Variants in MAK16 observed in about 807,000 individuals in gnomAD.
MAK16 encodes the protein protein MAK16 homolog.
In MAK16, 12 loss-of-function variants were observed where a neutral mutation model predicts 49.9. The ratio of observed to expected loss-of-function variants is 0.24; its 90% CI spans 0.15 to 0.39. The LOEUF is 0.39. Ranked by LOEUF, MAK16 falls within the 10% of genes least tolerant of loss-of-function variation. The probability of loss-of-function intolerance (pLI) is 1.00; values close to 1 mark genes in which losing one functional copy is unlikely to be tolerated. For missense variants in MAK16, 292 were observed against 363.7 expected (o/e 0.80, Z 1.60); for synonymous variants, 115 against 126.4 (o/e 0.91, Z 0.60).
In MAK16 at chr8:33,496,717, A is replaced by AGAT. The variant is rs376700753; in HGVS notation, c.633_635dup (p.Asp211dup). 0.029 allele frequency: 46,325 copies of AGAT among 1,610,272 alleles called. 907 individuals carry two copies. Among genetic ancestry groups the AGAT allele is most frequent in the African/African-American group, 0.11 (7,907 of 74,772 alleles). On this transcript the variant is annotated inframe_insertion, in exon 8 of 10. Transcript: ENST00000360128. ...GTGACTCTTCAGATACTGAGGAAAA[A>AGAT]GATGATGATGATGATGATGAGGAAG...
intron 1 of MAK16, among the ~76,000 whole-genome samples, chr8:33,487,046 C>T (rs1808699082): frequency 6.6e-6 from 1 of 152,116 alleles, no homozygotes; most frequent in Non-Finnish European, 1.5e-5. Flanking sequence ...TATTCTTTTG[C>T]CCTCTTCATA....
chr8:33,494,475 G>A (rs1281349641), intron 6 of MAK16, among the ~76,000 whole-genome samples: 2 of 152,212 alleles, frequency 1.3e-5, no homozygotes, highest in South Asian at 2.1e-4. Flanking sequence ...CTATGAATCC[G>A]CTTAACTAAG....
At position 33,497,237 on chromosome 8, in the gene MAK16, G is replaced by T; in HGVS notation, c.645G>T (p.Val215=). The T allele has an allele frequency of 6.2e-7, 1 of 1,609,386 alleles. No individual in the cohort carries two copies. The highest frequency in any genetic ancestry group is 8.5e-7 in the Non-Finnish European group (1 of 1,176,276). ...KDDDDDDEED[V]GKREFVEDGE... ...CAGTTATGTTTTATTTATAGGATGTGGGGAAAAGAGAATTTGTCGAAGATG... is the reference window on the plus strand; with the variant it reads ...CAGTTATGTTTTATTTATAGGATGTTGGGAAAAGAGAATTTGTCGAAGATG... Residue 215 remains valine (V), a synonymous_variant, in exon 9 of 10, where the codon GTG becomes GTT. Coordinates refer to ENST00000360128, the MANE Select transcript of MAK16 (RefSeq NM_032509.4).
Position 33,498,447 on chromosome 8 carries a change from G to C in MAK16, c.721G>C (p.Asp241His). Reference protein sequence around the residue: ...ISDFEDMDKLDASSDEDQDGK... With the variant: ...ISDFEDMDKLHASSDEDQDGK... ...CCCGTAATAGGATATGGATAAACTG[G>C]ATGCCAGCAGTGATGAAGATCAGGA... The change falls in exon 10 of 10, where the codon GAT becomes CAT. Residue 241 changes from aspartate to histidine, a missense_variant. Asp to His is a moderately conservative substitution (Grantham distance 81). Transcript: ENST00000360128. 6.2e-7 allele frequency: 1 copy of C among 1,613,976 alleles called. No homozygotes were observed.
chr8:33,493,598 T>C (rs990200100), intron 6 of MAK16, among the ~76,000 whole-genome samples: 15 of 152,196 alleles, frequency 9.9e-5, no homozygotes, highest in African/African-American at 3.6e-4. Context: ...TGTTGATAGG[T>C]GGTCTCAAGT....
At position 33,498,847 on chromosome 8, in the gene MAK16, T is replaced by C; in HGVS notation, c.*218T>C. 5 of 596,540 alleles carry C rather than the reference T, an allele frequency of 8.4e-6. No individual in the cohort carries two copies. Among genetic ancestry groups the C allele is most frequent in the Non-Finnish European group, 1.5e-5 (5 of 340,148 alleles). The allele number at this position is 596,540 out of a possible 1,614,324, so 37.0% of individuals were successfully genotyped here. A position where few individuals can be genotyped will look rare whatever the true frequency, so the allele number is the denominator to read the frequency against. On this transcript the variant is annotated 3_prime_UTR_variant, in exon 10 of 10. Coordinates refer to ENST00000360128, the MANE Select transcript of MAK16 (RefSeq NM_032509.4). ...CAAGAGTGTTTTTATAGCATATGTGTTGAAGTAACAGCTTGTGCCCGAGAA... is the reference window on the plus strand; with the variant it reads ...CAAGAGTGTTTTTATAGCATATGTGCTGAAGTAACAGCTTGTGCCCGAGAA...
intron 4 of MAK16, 29 bp downstream of exon 4, chr8:33,488,827 C>A: frequency 1.2e-6 from 2 of 1,612,464 alleles, no homozygotes; most frequent in Non-Finnish European, 8.5e-7. Context: ...CTACAGTGAC[C>A]GCTGATCAAG....
In MAK16 at chr8:33,498,997, A is replaced by T; in HGVS notation, c.*368A>T. On this transcript the variant is annotated 3_prime_UTR_variant, in exon 10 of 10. Coordinates refer to ENST00000360128, the MANE Select transcript of MAK16 (RefSeq NM_032509.4). ...TTTATTTAGAAATGGAAGGAGTTCA[A>T]TTTTTTCTTGTTCTACTTTCCCTAT... 1.6e-6 allele frequency: 1 copy of T among 623,662 alleles called. No individual in the cohort carries two copies. The highest frequency in any genetic ancestry group is 2.8e-6 in the Non-Finnish European group (1 of 357,940). The allele number at this position is 623,662 out of a possible 1,614,324, so 38.6% of individuals were successfully genotyped here. A position where few individuals can be genotyped will look rare whatever the true frequency, so the allele number is the denominator to read the frequency against.
intron 6 of MAK16, 95 bp from the exon 7 acceptor site, chr8:33,495,447 T>A (rs1160045770): frequency 9.8e-7 from 1 of 1,016,816 alleles, no homozygotes; most frequent in East Asian, 2.7e-5. Flanking sequence ...AATTACATTG[T>A]CTTTCTTATA....
At chr8:33,487,516 C>G (rs1808707501) in intron 1 of MAK16, among the ~76,000 whole-genome samples, 1 of 151,738 alleles carries the variant, frequency 6.6e-6, no homozygotes, top group South Asian at 2.1e-4. Context: ...ACTTCTGCCT[C>G]CTGGGTTCAA....
At position 33,485,198 on chromosome 8, in the gene MAK16, G is replaced by C; in HGVS notation, c.-9G>C. Reference sequence around the variant, plus strand: ...CCGACCGGAAGTTGCACGCTGAGCCGCGGACACCATGCAGTCGGATGATGT... The same window carrying C: ...CCGACCGGAAGTTGCACGCTGAGCCCCGGACACCATGCAGTCGGATGATGT... On this transcript the variant is annotated 5_prime_UTR_variant, in exon 1 of 10. Transcript: ENST00000360128. The C allele has an allele frequency of 6.2e-7, 1 of 1,614,180 alleles. No individual in the cohort carries two copies. The highest frequency in any genetic ancestry group is 8.5e-7 in the Non-Finnish European group (1 of 1,180,036).
rs1229957448 is a variant in MAK16 at position 33,489,288 on chromosome 8, G to C, written c.392+149G>C. The stretch of plus-strand genomic sequence containing the variant: ...AAGAGAAACTTTAGCTTTGACTAAA[G>C]GTGTGCCCTTTGATATGGCAGGACT... On this transcript the variant is annotated intron_variant, in intron 5 of 9. Coordinates refer to ENST00000360128, the MANE Select transcript of MAK16 (RefSeq NM_032509.4). The surrounding 1 kb of genome is among the most constrained non-coding windows in gnomAD (Gnocchi z 4.2). 1 of 655,700 alleles carries C rather than the reference G, an allele frequency of 1.5e-6. No homozygotes were observed. The highest frequency in any genetic ancestry group is 2.6e-6 in the Non-Finnish European group (1 of 391,014). The allele number at this position is 655,700 out of a possible 1,614,324, so 40.6% of individuals were successfully genotyped here.
chr8:33,488,454 A>G, intron 2 of MAK16, 27 bp downstream of exon 2: 1 of 1,614,146 alleles, frequency 6.2e-7, no homozygotes, highest in Non-Finnish European at 8.5e-7. Flanking sequence ...AACTTGGTCA[A>G]AGATTCCTTC....
intron 1 of MAK16, among the ~76,000 whole-genome samples, chr8:33,487,502 C>T (rs950122323): frequency 6.6e-6 from 1 of 151,642 alleles, no homozygotes; most frequent in African/African-American, 2.4e-5. Flanking sequence ...CTCGGCTTAC[C>T]GCAACTTCTG....
Position 33,488,528 on chromosome 8 carries a change from C to T in MAK16, c.74C>T (p.Thr25Ile), listed in dbSNP as rs1585313454. 6.2e-7 allele frequency: 1 copy of T among 1,614,158 alleles called. No homozygotes were observed. Among genetic ancestry groups the T allele is most frequent in the South Asian group, 1.1e-5 (1 of 91,086 alleles). The change falls in exon 3 of 10, where the codon ACT becomes ATT. Residue 25 changes from threonine to isoleucine, a missense_variant. Coordinates refer to ENST00000360128, the MANE Select transcript of MAK16 (RefSeq NM_032509.4). ...CTTTTCTCCCATTCTAGAACCAAGA[C>T]TCAGAGCTTCTGCCGAAATGAATAT... ...QFCSFKIRTK[T>I]QSFCRNEYSL...
chr8:33,498,989 G>T lies in MAK16; in HGVS notation c.*360G>T. 1.6e-6 allele frequency: 1 copy of T among 609,836 alleles called. No individual in the cohort carries two copies. The highest frequency in any genetic ancestry group is 2.9e-6 in the Non-Finnish European group (1 of 347,898). The allele number at this position is 609,836 out of a possible 1,614,324, so 37.8% of individuals were successfully genotyped here. ...TCCCAAACTTTATTTAGAAATGGAAGGAGTTCAATTTTTTCTTGTTCTACT... is the reference window on the plus strand; with the variant it reads ...TCCCAAACTTTATTTAGAAATGGAATGAGTTCAATTTTTTCTTGTTCTACT... On this transcript the variant is annotated 3_prime_UTR_variant, in exon 10 of 10. Transcript: ENST00000360128.
intron 1 of MAK16, among the ~76,000 whole-genome samples, chr8:33,486,460 A>G (rs1808688845): frequency 6.6e-6 from 1 of 152,184 alleles, no homozygotes; most frequent in Admixed American, 6.5e-5. Flanking sequence ...GCTGAGGCAG[A>G]AGGACTACTT....
chr8:33,500,187 A>G lies in MAK16; in HGVS notation c.*1558A>G. 1.2e-6 allele frequency: 1 copy of G among 860,724 alleles called. No individual in the cohort carries two copies. The highest frequency in any genetic ancestry group is 1.8e-6 in the Non-Finnish European group (1 of 553,620). The allele number at this position is 860,724 out of a possible 1,614,324, so 53.3% of individuals were successfully genotyped here. On this transcript the variant is annotated 3_prime_UTR_variant, in exon 10 of 10. Transcript: ENST00000360128. ...AAAAAGATCAAGCTCTTTTGAGGCT[A>G]GAGGGCTCATATGGAGATCTAAAAC... is the stretch of plus-strand genomic sequence containing the variant.
At position 33,496,729 on chromosome 8, in the gene MAK16, T is replaced by C. The variant is rs149061391; in HGVS notation, c.627T>C (p.Asp209=). The change falls in exon 8 of 10, where the codon GAT becomes GAC. Residue 209 remains aspartate (D), a synonymous_variant. Transcript: ENST00000360128. ...SSDTEEKDDD[D]DDEEDVGKRE... is the part of the protein sequence containing the mutation. ...ATACTGAGGAAAAAGATGATGATGA[T>C]GATGATGAGGAAGTAAGTCTTGTTT... 308 of 1,610,022 alleles carry C rather than the reference T, an allele frequency of 1.9e-4. No homozygotes were observed. In the Middle Eastern group the frequency reaches 2.5e-3, roughly 13 times the overall value.
Sources: gnomAD v4.1 joint callset for allele counts (sites outside exome capture counted in the v4.1 genomes callset) on GRCh38, gnomAD v4.1.1 for gene constraint, Gnocchi (gnomAD v3.1) non-coding constraint, MANE v1.5 for transcripts, NCBI Gene and HGNC (gene_info 2026-07-23, HGNC 2026-07-21) for gene names.